The following PEG3 variants were observed in gnomAD, a reference collection of about 807,000 sequenced individuals.
PEG3 encodes paternally expressed 3, also known as paternally-expressed gene 3 protein.
In PEG3, 23 loss-of-function variants were observed where a neutral mutation model predicts 35.5. That is an observed-to-expected ratio of 0.65 (90% CI 0.47 to 0.92). The LOEUF is 0.92. Ranked by LOEUF, PEG3 falls within the 40% of genes least tolerant of loss-of-function variation. PEG3 has a pLI of 0.00. For missense variants in PEG3, 1,960 were observed against 1,985.3 expected, an observed-to-expected ratio of 0.99 and a Z score of 0.24; for synonymous variants, 707 against 697.0, an observed-to-expected ratio of 1.01 and a Z score of -0.23.
At chr19:56,818,071 T>C (rs1277571703) in intron 8 of PEG3, among the ~76,000 whole-genome samples, 2 of 152,244 alleles carry the variant, frequency 1.3e-5, no homozygotes, top group Non-Finnish European at 2.9e-5. Context: ...AGACCCCACA[T>C]GTCCCTGAAA....
chr19:56,814,954 T>C lies in PEG3; in HGVS notation c.3488A>G (p.Tyr1163Cys). The change falls in exon 10 of 10, where the codon TAT (tyrosine) becomes TGT (cysteine). Residue 1163 changes from tyrosine to cysteine, a missense_variant. This residue lies in a region of PEG3 where 124 missense variants were observed against 179.6 expected (regional missense o/e 0.69). Transcript: ENST00000326441. The surrounding 1 kb of genome is among the most constrained non-coding windows in gnomAD (Gnocchi z 5.8). The stretch of plus-strand genomic sequence containing the variant: ...AGATTCCCCACACTTTGGACATTCA[T>C]ACAGCTGCTCTCCAGTGTAATCTCT... ...YQRDYTGEQL[Y>C]ECPKCGESFI... The C allele has an allele frequency of 3.7e-6, 6 of 1,614,182 alleles. No individual in the cohort carries two copies. Among genetic ancestry groups the C allele is most frequent in the Non-Finnish European group, 5.1e-6 (6 of 1,180,022 alleles).
At position 56,821,732 on chromosome 19, in the gene PEG3, G is replaced by A. The variant is rs1397574941; in HGVS notation, c.588C>T (p.Ser196=). The change falls in exon 7 of 10, where the codon TCC becomes TCT. Residue 196 remains serine, a synonymous_variant. Coordinates refer to ENST00000326441, the MANE Select transcript of PEG3 (RefSeq NM_006210.3). ...PRSRMPPRDL[S]LPVVAKTSFE... is the part of the protein sequence containing the mutation. ...AGCTTGTTTTCGCCACCACAGGAAG[G>A]GAAAGATCCCGCGGAGGCATCCCTG... 3 of 1,614,044 alleles carry A rather than the reference G, an allele frequency of 1.9e-6. No individual in the cohort carries two copies. Among genetic ancestry groups the A allele is most frequent in the East Asian group, 2.2e-5 (1 of 44,880 alleles).
intron 2 of PEG3, among the ~76,000 whole-genome samples, chr19:56,830,358 G>A (rs1048286962): frequency 2.6e-5 from 4 of 152,234 alleles, no homozygotes; most frequent in Admixed American, 2.6e-4. Flanking sequence ...GGGAAGGGGA[G>A]CCCACAAGCA....
chr19:56,820,048 C>A lies in PEG3; in HGVS notation c.670-1346G>T, dbSNP rs551036907. Among the ~76,000 whole-genome samples the A allele has an allele frequency of 2.0e-5, 3 of 152,316 alleles. No individual in the cohort carries two copies. In the South Asian group the frequency reaches 6.2e-4, roughly 32 times the overall value. ...CTTTTTTCACATGAAAGAAAAAGCA[C>A]GCTTTGATTGAAAATTAAAATCTAG... is the stretch of plus-strand genomic sequence containing the variant. On this transcript the variant is annotated intron_variant, in intron 7 of 9. Coordinates refer to ENST00000326441, the MANE Select transcript of PEG3 (RefSeq NM_006210.3).
chr19:56,814,337 C>G lies in PEG3; in HGVS notation c.4105G>C (p.Ala1369Pro). 1 of 1,613,376 alleles carries G rather than the reference C, an allele frequency of 6.2e-7. No individual in the cohort carries two copies. Among genetic ancestry groups the G allele is most frequent in the Non-Finnish European group, 8.5e-7 (1 of 1,179,484 alleles). ...TTGGCTTCAACTTCCTGGGCTGCTG[C>G]TGCTGCAGCTGCTGCTGCTTCATCT... ...EEDEAAAAAA[A>P]AAQEVEANVH... Residue 1369 changes from alanine (A) to proline (P), a missense_variant, in exon 10 of 10, where the codon GCA becomes CCA. By Grantham distance (27) the Ala-to-Pro change is conservative. Around this residue, in one of 5 missense-constraint regions of PEG3, gnomAD observed 416 missense variants for 416.7 expected, o/e 1.00. Transcript: ENST00000326441. This position sits in a 1 kb window ranked among gnomAD's most constrained non-coding sequence, Gnocchi z 5.8.
At position 56,817,062 on chromosome 19, in the gene PEG3, C is replaced by T. The variant is rs1355276807; in HGVS notation, c.1380G>A (p.Ser460=). The T allele has an allele frequency of 1.6e-5, 26 of 1,614,022 alleles. No homozygotes were observed. Among genetic ancestry groups the T allele is most frequent in the Non-Finnish European group, 2.0e-5 (24 of 1,179,998 alleles). Residue 460 remains serine, a synonymous_variant, in exon 10 of 10, where the codon TCG becomes TCA. Transcript: ENST00000326441. ...CAACAAATTCTGAGATGACACTGAA[C>T]GACCTCCCACACTCATCACATACAT... ...MPYVCDECGR[S]FSVISEFVEH...
intron 2 of PEG3, chr19:56,833,360 A>C: frequency 2.8e-6 from 1 of 363,410 alleles, no homozygotes; most frequent in Non-Finnish European, 5.4e-6. Context: ...TTCGTCTCCC[A>C]GGGACAGCGT....
Position 56,813,422 on chromosome 19 carries a change from G to A in PEG3, c.*253C>T. ...AATACTCATAGGGTTTTCTCAATCT[G>A]ATTACTTGGAAAGGTAAGATGTGTG... is the stretch of plus-strand genomic sequence containing the variant. On this transcript the variant is annotated 3_prime_UTR_variant, in exon 10 of 10. Coordinates refer to ENST00000326441, the MANE Select transcript of PEG3 (RefSeq NM_006210.3). 7.7e-7 allele frequency: 1 copy of A among 1,294,974 alleles called. No individual in the cohort carries two copies. Among genetic ancestry groups the A allele is most frequent in the Non-Finnish European group, 9.8e-7 (1 of 1,020,736 alleles). The allele number at this position is 1,294,974 out of a possible 1,614,324, so 80.2% of individuals were successfully genotyped here. A position where few individuals can be genotyped will look rare whatever the true frequency, so the allele number is the denominator to read the frequency against.
intron 1 of PEG3, among the ~76,000 whole-genome samples, chr19:56,839,879 C>A (rs2062775602): frequency 1.3e-5 from 2 of 152,260 alleles, no homozygotes; most frequent in Admixed American, 1.3e-4. Flanking sequence ...AGCCTTGCCC[C>A]GCCCCATCTG....
intron 2 of PEG3, among the ~76,000 whole-genome samples, chr19:56,832,741 T>C (rs1297898910): frequency 6.6e-6 from 1 of 152,164 alleles, no homozygotes; most frequent in Non-Finnish European, 1.5e-5. Context: ...GGAAGGGTGC[T>C]TCTGGGAGTC....
chr19:56,818,845 A>C, intron 7 of PEG3, 143 bp from the exon 8 acceptor site: 1 of 929,572 alleles, frequency 1.1e-6, no homozygotes. Flanking sequence ...GATCCAAGTC[A>C]AGTGTTACTA....
chr19:56,821,398 G>C (rs2060472567), intron 7 of PEG3, among the ~76,000 whole-genome samples: 1 of 152,130 alleles, frequency 6.6e-6, no homozygotes, highest in South Asian at 2.1e-4. Flanking sequence ...CGGCCAATGT[G>C]ACCAACCTAC....
chr19:56,822,643 T>C, intron 6 of PEG3, 110 bp downstream of exon 6: 10 of 1,449,462 alleles, frequency 6.9e-6, no homozygotes, highest in Non-Finnish European at 9.4e-6. Flanking sequence ...AAGCGGAATA[T>C]ACTCCAAATG....
At position 56,814,447 on chromosome 19, in the gene PEG3, T is replaced by C. The variant is rs542583241; in HGVS notation, c.3995A>G (p.Tyr1332Cys). ...TEPLKGAIPFYECKDCGKSFI... is the reference protein window; with the variant it reads ...TEPLKGAIPFCECKDCGKSFI... ...GGACTTACCACAATCCTTGCATTCA[T>C]AGAATGGTATAGCTCCTTTGAGGGG... The change falls in exon 10 of 10, where the codon TAT becomes TGT. Residue 1332 changes from tyrosine to cysteine, a missense_variant. By Grantham distance (194) the Tyr-to-Cys change is radical. Transcript: ENST00000326441. This position sits in a 1 kb window ranked among gnomAD's most constrained non-coding sequence, Gnocchi z 5.8. 4.3e-6 allele frequency: 7 copies of C among 1,613,936 alleles called. No homozygotes were observed. Among genetic ancestry groups the C allele is most frequent in the East Asian group, 2.2e-5 (1 of 44,884 alleles).
At chr19:56,822,973 G>A in intron 5 of PEG3, 137 bp from the exon 6 acceptor site, 1 of 1,190,924 alleles carries the variant, frequency 8.4e-7, no homozygotes, top group East Asian at 2.6e-5. Context: ...GAGAGCTCCA[G>A]GTTCCCAGGC....
Position 56,811,329 on chromosome 19 carries a change from G to T in PEG3, c.*2346C>A. The T allele has an allele frequency of 1.1e-6, 1 of 898,484 alleles. No individual in the cohort carries two copies. Among genetic ancestry groups the T allele is most frequent in the Non-Finnish European group, 1.3e-6 (1 of 751,086 alleles). The allele number at this position is 898,484 out of a possible 1,614,324, so 55.7% of individuals were successfully genotyped here. On this transcript the variant is annotated 3_prime_UTR_variant, in exon 10 of 10. Transcript: ENST00000326441. Reference sequence around the variant, plus strand: ...TTATAATGAACTGTTTAAATGAACTGTTAAATGAACAGCATATAAATGAAC... The same window carrying T: ...TTATAATGAACTGTTTAAATGAACTTTTAAATGAACAGCATATAAATGAAC...
rs1295444322 is a variant in PEG3 at position 56,818,684 on chromosome 19, T to G, written c.688A>C (p.Asn230His). 7 of 1,613,994 alleles carry G rather than the reference T, an allele frequency of 4.3e-6. No individual in the cohort carries two copies. Among genetic ancestry groups the G allele is most frequent in the African/African-American group, 1.3e-5 (1 of 74,912 alleles). ...CTGTCCTCAGCGAGGTCCACCACAT[T>G]TTGGTATGATTCAGCATCCTAAAAC... The part of the protein sequence containing the change: ...SRSQDAESYQ[N>H]VVDLAEDRKP... The change falls in exon 8 of 10, where the codon AAT (asparagine) becomes CAT (histidine). Residue 230 changes from asparagine (N) to histidine (H), a missense_variant. This residue lies in a region of PEG3 where 613 missense variants were observed against 577.1 expected (regional missense o/e 1.06). Coordinates refer to ENST00000326441, the MANE Select transcript of PEG3 (RefSeq NM_006210.3).
chr19:56,812,166 CA>C lies in PEG3; in HGVS notation c.*1508del. On this transcript the variant is annotated 3_prime_UTR_variant, in exon 10 of 10. Transcript: ENST00000326441. ...ATTTTTTTTCCAGCCAACTCAAGGCCAAAAAAAATTTCTTAATATAGTTATT... is the reference window on the plus strand; with the variant it reads ...ATTTTTTTTCCAGCCAACTCAAGGCCAAAAAAATTTCTTAATATAGTTATT... The C allele has an allele frequency of 3.2e-5, 31 of 974,092 alleles. No individual in the cohort carries two copies. Among genetic ancestry groups the C allele is most frequent in the South Asian group, 9.5e-5 (2 of 21,040 alleles). 60.3% of individuals were successfully genotyped at this position (974,092 alleles called of 1,614,324 possible). A position where few individuals can be genotyped will look rare whatever the true frequency, so the allele number is the denominator to read the frequency against.
chr19:56,834,398 T>C lies in PEG3; in HGVS notation c.-163+1620A>G, dbSNP rs370438331. On this transcript the variant is annotated intron_variant, in intron 2 of 9. Coordinates refer to ENST00000326441, the MANE Select transcript of PEG3 (RefSeq NM_006210.3). ...CTATTAAAGCTCACCCACATCCTCT[T>C]GGTTCTGATTCCGTACTCACCAAGC... is the stretch of plus-strand genomic sequence containing the variant. Among the ~76,000 whole-genome samples, 7 of 152,292 alleles carry C rather than the reference T, an allele frequency of 4.6e-5. No individual in the cohort carries two copies. In the South Asian group the frequency reaches 1.5e-3, roughly 32 times the overall value.
Sources: allele counts gnomAD v4.1 joint callset (sites outside exome capture counted in the v4.1 genomes callset), GRCh38; gene constraint gnomAD v4.1.1; regional missense constraint gnomAD v4.1.1; non-coding constraint Gnocchi (gnomAD v3.1); transcripts MANE v1.5; gene names NCBI Gene and HGNC (gene_info 2026-07-23, HGNC 2026-07-21).